Variants in SVEP1 observed in about 807,000 individuals in gnomAD.
SVEP1 encodes sushi, von Willebrand factor type A, EGF and pentraxin domain-containing protein 1.
A neutral mutation model predicts 367.3 loss-of-function variants in SVEP1; 164 were observed. The observed-to-expected ratio is 0.45, with a 90% CI of 0.39 to 0.51. The LOEUF is 0.51. Among genes scored for constraint, SVEP1 ranks in the 20% least tolerant of loss-of-function variants. The pLI, the probability that SVEP1 is intolerant of heterozygous loss-of-function variation, is 0.00. For synonymous variants in SVEP1, 1,666 were observed against 1,611.6 expected, an observed-to-expected ratio of 1.03 and a Z score of -0.81; for missense variants, 4,117 against 4,425.3, an observed-to-expected ratio of 0.93 and a Z score of 1.98.
intron 9 of SVEP1, among the ~76,000 whole-genome samples, chr9:110,489,075 T>C (rs1218840221): frequency 1.3e-5 from 2 of 152,124 alleles, no homozygotes; most frequent in African/African-American, 4.8e-5. Flanking sequence ...TTGGGAACTT[T>C]CATGTGGGCT....
intron 1 of SVEP1, among the ~76,000 whole-genome samples, chr9:110,569,009 G>A (rs1324371313): frequency 4.0e-5 from 6 of 151,784 alleles, no homozygotes; most frequent in Admixed American, 6.6e-5. Flanking sequence ...TGAGGTAGGG[G>A]GATACCCCAA....
intron 9 of SVEP1, 53 bp downstream of exon 9, chr9:110,489,597 C>T: frequency 6.5e-7 from 1 of 1,543,404 alleles, no homozygotes; most frequent in Non-Finnish European, 8.8e-7. Flanking sequence ...ATTATGGGAG[C>T]CACAGTTCAA....
In SVEP1 at chr9:110,446,925, T is replaced by A. The variant is rs1322535208; in HGVS notation, c.4236A>T (p.Gly1412=). ...LNSYSCKCQP[G]FSGKRCETEQ... is the part of the protein sequence containing the mutation. ...CTGTTTCACACCTTTTGCCTGAAAA[T>A]CCTGGCTGACATTTACAACTGTATG... The change falls in exon 25 of 48, where the codon GGA becomes GGT. Residue 1412 remains glycine (G), a synonymous_variant. Transcript: ENST00000374469. 2 of 1,539,228 alleles carry A rather than the reference T, an allele frequency of 1.3e-6. No individual in the cohort carries two copies. Among genetic ancestry groups the A allele is most frequent in the Non-Finnish European group, 1.8e-6 (2 of 1,142,298 alleles).
intron 12 of SVEP1, among the ~76,000 whole-genome samples, chr9:110,480,502 TG>T (rs1170602710): frequency 6.6e-6 from 1 of 152,202 alleles, no homozygotes; most frequent in Non-Finnish European, 1.5e-5. Context: ...TTTATAACAA[TG>T]TATATTTAAG....
At chr9:110,571,339 C>T (rs1830560196) in intron 1 of SVEP1, among the ~76,000 whole-genome samples, 1 of 152,114 alleles carries the variant, frequency 6.6e-6, no homozygotes, top group Non-Finnish European at 1.5e-5. Context: ...AGCATGAAAC[C>T]AAGTGTTCCC....
chr9:110,413,236 T>C (rs1828070472), intron 36 of SVEP1, among the ~76,000 whole-genome samples: 1 of 145,252 alleles, frequency 6.9e-6, no homozygotes, highest in South Asian at 2.3e-4. Context: ...TTCATGTCCT[T>C]TGTAGGGACA....
In SVEP1 at chr9:110,385,962, C is replaced by T; in HGVS notation, c.10173G>A (p.Gln3391=). The part of the protein sequence containing the change: ...SIKCREGFLL[Q]GHGIITCNPD... ...GGTTGCAGGTAATGATGCCGTGGCC[C>T]TGCAGCAGAAAACCTTCCCTACATT... Residue 3391 remains glutamine (Q), a synonymous_variant, in exon 43 of 48, where the codon CAG becomes CAA. Transcript: ENST00000374469. 6.2e-7 allele frequency: 1 copy of T among 1,613,886 alleles called. No individual in the cohort carries two copies. The highest frequency in any genetic ancestry group is 8.5e-7 in the Non-Finnish European group (1 of 1,179,830).
chr9:110,411,546 G>A lies in SVEP1; in HGVS notation c.6165C>T (p.Asp2055=). ...YYCSDGYSLA[D]NSQLLCNAQG... is the part of the protein sequence containing the mutation. ...GGGCATTGCAGAGAAGCTGGGAATTGTCTGCTAGGCTGTAACCATCAGAGC... is the reference window on the plus strand; with the variant it reads ...GGGCATTGCAGAGAAGCTGGGAATTATCTGCTAGGCTGTAACCATCAGAGC... The change falls in exon 37 of 48, where the codon GAC becomes GAT. Residue 2055 remains aspartate (D), a synonymous_variant. Coordinates refer to ENST00000374469, the MANE Select transcript of SVEP1 (RefSeq NM_153366.4). The A allele has an allele frequency of 6.2e-7, 1 of 1,614,030 alleles. No homozygotes were observed. Among genetic ancestry groups the A allele is most frequent in the East Asian group, 2.2e-5 (1 of 44,884 alleles).
chr9:110,453,935 G>A (rs1318917821), intron 22 of SVEP1, among the ~76,000 whole-genome samples: 4 of 150,824 alleles, frequency 2.7e-5, no homozygotes, highest in South Asian at 2.1e-4. Flanking sequence ...TCTCACTGTC[G>A]TTTTGATTGG....
chr9:110,528,349 G>T (rs1829972945), intron 3 of SVEP1, among the ~76,000 whole-genome samples: 1 of 151,114 alleles, frequency 6.6e-6, no homozygotes, highest in African/African-American at 2.4e-5. Context: ...GGAATGAATG[G>T]CAGATCCACT....
chr9:110,512,739 G>T, intron 5 of SVEP1, 187 bp downstream of exon 5: 2 of 725,354 alleles, frequency 2.8e-6, no homozygotes, highest in Admixed American at 2.5e-5. Context: ...AAAAGGCGTA[G>T]TTTACAATTA....
chr9:110,381,614 T>C (rs1827438113), intron 43 of SVEP1, among the ~76,000 whole-genome samples: 1 of 152,198 alleles, frequency 6.6e-6, no homozygotes, highest in South Asian at 2.1e-4. Flanking sequence ...GTTCCAATTA[T>C]GTGATCAATT....
intron 14 of SVEP1, among the ~76,000 whole-genome samples, chr9:110,473,226 T>C (rs1017325704): frequency 1.3e-5 from 2 of 152,220 alleles, no homozygotes; most frequent in East Asian, 1.9e-4. Context: ...GCTTTGGCTA[T>C]TAAAATTAAC....
At chr9:110,556,241 T>A (rs1830355979) in intron 1 of SVEP1, among the ~76,000 whole-genome samples, 1 of 151,730 alleles carries the variant, frequency 6.6e-6, no homozygotes, top group African/African-American at 2.4e-5. Flanking sequence ...CCGAGATCCA[T>A]CACCATTACA....
At chr9:110,445,029 T>C (rs963603814) in intron 26 of SVEP1, among the ~76,000 whole-genome samples, 5 of 152,172 alleles carry the variant, frequency 3.3e-5, no homozygotes, top group African/African-American at 4.8e-5. Flanking sequence ...TGCTCATAAG[T>C]AGGCCAACGA....
chr9:110,371,865 TCTC>T (rs879265305), intron 46 of SVEP1, among the ~76,000 whole-genome samples: 2,367 of 152,316 alleles, frequency 0.016, no homozygotes, highest in African/African-American at 0.054. Context: ...CCGCAATGAA[TCTC>T]TCTATTGTAA....
rs761089797 is a variant in SVEP1 at position 110,375,466 on chromosome 9, A to G, written c.10505-3T>C. 1 of 402,648 alleles carries G rather than the reference A, an allele frequency of 2.5e-6. No homozygotes were observed. The highest frequency in any genetic ancestry group is 1.6e-4 in the Admixed American group (1 of 6,136). The allele number at this position is 402,648 out of a possible 1,614,324, so 24.9% of individuals were successfully genotyped here. A position where few individuals can be genotyped will look rare whatever the true frequency, so the allele number is the denominator to read the frequency against. ...CAGACAGGGAAGAATGCAGATTGCT[A>G]AAAAAAAAAAAAAAAAAAAAAAAAG... is the stretch of plus-strand genomic sequence containing the variant. On this transcript the variant is annotated splice_polypyrimidine_tract_variant and splice_region_variant and intron_variant, in intron 45 of 47. Transcript: ENST00000374469.
At chr9:110,427,177 A>G (rs1218290367) in intron 36 of SVEP1, among the ~76,000 whole-genome samples, 2 of 151,934 alleles carry the variant, frequency 1.3e-5, no homozygotes, top group Non-Finnish European at 2.9e-5. Context: ...AGGCGCCTGT[A>G]GTCCCAGCTA....
Position 110,563,278 on chromosome 9 carries a change from T to C in SVEP1, c.532-13174A>G, listed in dbSNP as rs554297027. Among the ~76,000 whole-genome samples the C allele has an allele frequency of 2.0e-5, 3 of 152,280 alleles. No homozygotes were observed. The South Asian group carries it at 6.2e-4, about 32-fold the overall frequency. On this transcript the variant is annotated intron_variant, in intron 1 of 47. Transcript: ENST00000374469. ...TAAAAACAAAAATTACAGCATGTGC[T>C]TTTACTACATATGACATATAATTAC...
Sources: allele counts gnomAD v4.1 joint callset (sites outside exome capture counted in the v4.1 genomes callset), GRCh38; gene constraint gnomAD v4.1.1; transcripts MANE v1.5; gene names NCBI Gene and HGNC (gene_info 2026-07-23, HGNC 2026-07-21).